Variants in KALRN observed in about 807,000 individuals in gnomAD.
KALRN encodes kalirin.
KALRN carries 70 observed loss-of-function variants against 353.7 expected under a neutral mutation model. That is an observed-to-expected ratio of 0.20 (90% CI 0.16 to 0.24). The LOEUF (loss-of-function observed/expected upper bound fraction) is 0.24. Ranked by LOEUF, KALRN falls within the 10% of genes least tolerant of loss-of-function variation. The probability of loss-of-function intolerance (pLI) is 1.00; values close to 1 mark genes in which losing one functional copy is unlikely to be tolerated. For missense variants in KALRN, 2,791 were observed against 3,756.7 expected, an observed-to-expected ratio of 0.74 and a Z score of 6.72; for synonymous variants, 1,391 against 1,434.8, an observed-to-expected ratio of 0.97 and a Z score of 0.69.
chr3:124,323,182 C>G (rs2079525662), intron 6 of KALRN, among the ~76,000 whole-genome samples: 1 of 152,172 alleles, frequency 6.6e-6, no homozygotes, highest in Admixed American at 6.5e-5. Context: ...TCTATGATCA[C>G]AGGCTTAGAG....
intron 13 of KALRN, 86 bp from the exon 14 acceptor site, chr3:124,413,384 G>A (rs2092308293): frequency 8.8e-7 from 1 of 1,139,160 alleles, no homozygotes; most frequent in South Asian, 1.6e-5. Context: ...GTGGATTCAT[G>A]AATAAGGCTT....
chr3:124,409,960 C>T (rs895243450), intron 13 of KALRN, among the ~76,000 whole-genome samples: 1 of 152,036 alleles, frequency 6.6e-6, no homozygotes, highest in African/African-American at 2.4e-5. Context: ...GGAGGGCAGC[C>T]TTAGGAGGAG....
intron 1 of KALRN, among the ~76,000 whole-genome samples, chr3:124,191,043 A>G (rs934578324): frequency 3.1e-4 from 47 of 152,300 alleles, no homozygotes; most frequent in Non-Finnish European, 1.2e-4. Flanking sequence ...ACTCAGGGAG[A>G]CATGGTTTAC....
intron 33 of KALRN, among the ~76,000 whole-genome samples, chr3:124,508,092 A>G (rs2065434945): frequency 6.6e-6 from 1 of 152,234 alleles, no homozygotes; most frequent in African/African-American, 2.4e-5. Context: ...TATAGATAAA[A>G]TGTATTCTTA....
At chr3:124,585,231 G>A (rs1258711902) in intron 34 of KALRN, among the ~76,000 whole-genome samples, 2 of 152,240 alleles carry the variant, frequency 1.3e-5, no homozygotes, top group Non-Finnish European at 2.9e-5. Context: ...GGTGGGAAGG[G>A]GACGCAGAGC....
intron 6 of KALRN, among the ~76,000 whole-genome samples, chr3:124,321,199 G>A (rs2079300261): frequency 6.6e-6 from 1 of 152,092 alleles, no homozygotes; most frequent in Non-Finnish European, 1.5e-5. Context: ...TCAGAGTGGG[G>A]GCCTATGACC....
chr3:124,563,613 T>C (rs1296395151), intron 34 of KALRN, among the ~76,000 whole-genome samples: 1 of 152,242 alleles, frequency 6.6e-6, no homozygotes, highest in Non-Finnish European at 1.5e-5. Flanking sequence ...GACTCCTTTA[T>C]GTGCCTTCAA....
rs115296487 is a variant in KALRN, at chr3:124,317,578, A to G, written c.1093-8402A>G. Among the ~76,000 whole-genome samples, 536 of 152,204 alleles carry G rather than the reference A, an allele frequency of 3.5e-3. 5 individuals carry two copies. Among genetic ancestry groups the G allele is most frequent in the African/African-American group, 0.012 (517 of 41,522 alleles). On this transcript the variant is annotated intron_variant, in intron 6 of 59. Coordinates refer to ENST00000682506, the MANE Select transcript of KALRN (RefSeq NM_001388419.1). ...GAGATTCTCAAACATTAATGTGCAT[A>G]CCTATAACCTGGGACAATCTTGTTA...
chr3:124,111,367 T>C (rs957407914), intron 1 of KALRN, among the ~76,000 whole-genome samples: 1 of 152,222 alleles, frequency 6.6e-6, no homozygotes, highest in African/African-American at 2.4e-5. Flanking sequence ...CAAAGGCCAT[T>C]ATTTTGCCAC....
chr3:124,639,741 G>A (rs1377511776), intron 37 of KALRN, among the ~76,000 whole-genome samples: 2 of 152,142 alleles, frequency 1.3e-5, no homozygotes, highest in East Asian at 3.8e-4. Context: ...TCCTTTCTGT[G>A]GTGAGTGTGC....
intron 4 of KALRN, among the ~76,000 whole-genome samples, chr3:124,267,653 T>A (rs2073719374): frequency 6.6e-6 from 1 of 152,232 alleles, no homozygotes; most frequent in Non-Finnish European, 1.5e-5. Flanking sequence ...TCCTCCTGCC[T>A]ATGGCACCTC....
chr3:124,221,227 G>A (rs2077873799), intron 1 of KALRN, among the ~76,000 whole-genome samples: 1 of 152,168 alleles, frequency 6.6e-6, no homozygotes, highest in Non-Finnish European at 1.5e-5. Flanking sequence ...GCCTTGGCAT[G>A]TACTGCTTCC....
At chr3:124,272,418 T>C (rs923039741) in intron 5 of KALRN, among the ~76,000 whole-genome samples, 1 of 152,168 alleles carries the variant, frequency 6.6e-6, no homozygotes, top group African/African-American at 2.4e-5. Flanking sequence ...TATATTTCAG[T>C]TAGAGGTTAG....
chr3:124,334,381 C>A lies in KALRN; in HGVS notation c.1533C>A (p.Asp511Glu). Residue 511 changes from aspartate (D) to glutamate (E), a missense_variant, in exon 9 of 60, where the codon GAC becomes GAA. Coordinates refer to ENST00000682506, the MANE Select transcript of KALRN (RefSeq NM_001388419.1). This position sits in a 1 kb window ranked among gnomAD's most constrained non-coding sequence, Gnocchi z 4.2. ...CCAAGGCAGTGCACCAGGTGCTGGACGTGGTGCATGAGGTGTTACATCACC... is the reference window on the plus strand; with the variant it reads ...CCAAGGCAGTGCACCAGGTGCTGGAAGTGGTGCATGAGGTGTTACATCACC... The part of the protein sequence containing the change: ...NYSKAVHQVL[D>E]VVHEVLHHQR... The A allele has an allele frequency of 6.2e-7, 1 of 1,614,220 alleles. No individual in the cohort carries two copies.
chr3:124,511,613 G>A (rs1402563983), intron 33 of KALRN, among the ~76,000 whole-genome samples: 1 of 152,146 alleles, frequency 6.6e-6, no homozygotes, highest in Non-Finnish European at 1.5e-5. Flanking sequence ...AGAGCCTCCA[G>A]TGAGCAGGCC....
intron 5 of KALRN, among the ~76,000 whole-genome samples, chr3:124,288,834 G>GA (rs2076175383): frequency 6.6e-6 from 1 of 152,168 alleles, no homozygotes; most frequent in Non-Finnish European, 1.5e-5. Context: ...AGAAAATAGA[G>GA]AAAAAGTTAG....
At chr3:124,292,836 A>G (rs1479428675) in intron 5 of KALRN, among the ~76,000 whole-genome samples, 1 of 152,208 alleles carries the variant, frequency 6.6e-6, no homozygotes, top group Non-Finnish European at 1.5e-5. Flanking sequence ...TATATGTAGC[A>G]CTTAACAAAG....
chr3:124,612,310 TCTC>T lies in KALRN; in HGVS notation c.5183-20107_5183-20105del, dbSNP rs2078084715. 3.3e-5 allele frequency among the ~76,000 whole-genome samples: 5 copies of T among 152,284 alleles called. No homozygotes were observed. In the South Asian group the frequency reaches 1.0e-3, roughly 32 times the overall value. On this transcript the variant is annotated intron_variant, in intron 34 of 59. Coordinates refer to ENST00000682506, the MANE Select transcript of KALRN (RefSeq NM_001388419.1). ...CCTCTGCCTCCCGGATTCAAGCAAT[TCTC>T]CTGCCTCAGCCTCCCAAGTAGCTGG...
chr3:124,586,045 G>A (rs945732976), intron 34 of KALRN, among the ~76,000 whole-genome samples: 1 of 152,174 alleles, frequency 6.6e-6, no homozygotes, highest in African/African-American at 2.4e-5. Context: ...TTTCCTGCGC[G>A]TCATTAAGGT....
Sources: gnomAD v4.1 joint callset for allele counts (sites outside exome capture counted in the v4.1 genomes callset) on GRCh38, gnomAD v4.1.1 for gene constraint, Gnocchi (gnomAD v3.1) non-coding constraint, MANE v1.5 for transcripts, NCBI Gene and HGNC (gene_info 2026-07-23, HGNC 2026-07-21) for gene names.